Variants in SRP19 observed in about 807,000 individuals in gnomAD.
SRP19 encodes the protein signal recognition particle 19.
Under a neutral mutation model 22.4 loss-of-function variants are expected in SRP19, and 11 were observed. The observed-to-expected ratio is 0.49, with a 90% CI of 0.31 to 0.81. SRP19 has a LOEUF of 0.81. Ranked by LOEUF, SRP19 falls within the 40% of genes least tolerant of loss-of-function variation. The probability of loss-of-function intolerance (pLI) is 0.05; values close to 1 mark genes in which losing one functional copy is unlikely to be tolerated. For synonymous variants in SRP19, 61 were observed against 57.6 expected, an observed-to-expected ratio of 1.06 and a Z score of -0.27; for missense variants, 168 against 175.9, an observed-to-expected ratio of 0.96 and a Z score of 0.25.
downstream of SRP19, chr5:112,895,591 T>C (rs958242186): frequency 6.6e-6 from 1 of 152,214 alleles, no homozygotes; most frequent in Non-Finnish European, 1.5e-5. Context: ...CTCTAGCTAT[T>C]GTCTTGAGAC....
exon 5 of SRP19, chr5:112,892,705 G>C (rs1398154192): frequency 5.0e-6 from 8 of 1,613,958 alleles, no homozygotes; most frequent in South Asian, 1.1e-5. Flanking sequence ...CTTGTCTTCA[G>C]ATCAGACTGG....
downstream of SRP19, among the ~76,000 whole-genome samples, chr5:112,871,193 A>G (rs1767750424): frequency 6.6e-6 from 1 of 151,174 alleles, no homozygotes; most frequent in South Asian, 2.1e-4. Flanking sequence ...CTATTGCTGT[A>G]ACAATATATT....
chr5:112,892,497 A>T, exon 5 of SRP19: 1 of 1,614,228 alleles, frequency 6.2e-7, no homozygotes, highest in Non-Finnish European at 8.5e-7. Context: ...AAGAATGCCA[A>T]GCAGCCCTTT....
chr5:112,892,574 G>A, exon 5 of SRP19: 1 of 1,614,144 alleles, frequency 6.2e-7, no homozygotes. Flanking sequence ...GTGACCCGGT[G>A]GAAAATGGCG....
At chr5:112,867,262 G>C in intron 4 of SRP19, 142 bp from the exon 5 acceptor site, 1 of 932,034 alleles carries the variant, frequency 1.1e-6, no homozygotes, top group Non-Finnish European at 1.6e-6. Context: ...AGTGTCTTCA[G>C]TCATTTGATT....
At chr5:112,892,550 G>A (rs374367256) in exon 5 of SRP19, 13 of 1,614,094 alleles carry the variant, frequency 8.1e-6, no homozygotes, top group East Asian at 2.2e-5. Context: ...CAGCTGCAAT[G>A]TGAATTCTGC....
chr5:112,879,667 G>A (rs1768010339), intron 4 of SRP19, among the ~76,000 whole-genome samples: 1 of 151,766 alleles, frequency 6.6e-6, no homozygotes, highest in Non-Finnish European at 1.5e-5. Flanking sequence ...TAGTAGAGAT[G>A]GGGTTTCACT....
intron 4 of SRP19, among the ~76,000 whole-genome samples, chr5:112,880,675 T>G (rs927761323): frequency 6.6e-6 from 1 of 152,216 alleles, no homozygotes; most frequent in African/African-American, 2.4e-5. Context: ...TTGCCCCTAT[T>G]TAGGAATGTG....
At chr5:112,879,377 C>T (rs1236134860) in intron 4 of SRP19, among the ~76,000 whole-genome samples, 1 of 151,982 alleles carries the variant, frequency 6.6e-6, no homozygotes, top group African/African-American at 2.4e-5. Context: ...TTCCAGGAAC[C>T]CTACAGATAC....
chr5:112,894,225 T>C (rs1257792692), downstream of SRP19: 2 of 152,002 alleles, frequency 1.3e-5, no homozygotes, highest in Admixed American at 6.6e-5. Flanking sequence ...ATTCAAGTGA[T>C]TCCCCTGCCT....
At chr5:112,891,552 G>T in intron 4 of SRP19, 1 of 1,519,462 alleles carries the variant, frequency 6.6e-7, no homozygotes, top group Non-Finnish European at 8.9e-7. Context: ...TTCATAAGTA[G>T]AATCACTGAC....
At chr5:112,893,055 T>C (rs1424453006) in exon 5 of SRP19, 5 of 1,353,256 alleles carry the variant, frequency 3.7e-6, no homozygotes, top group South Asian at 1.2e-5. Flanking sequence ...GAGACAGAAC[T>C]GTTCAGAGTC....
At position 112,881,792 on chromosome 5, in the gene SRP19, G is replaced by A. The variant is rs537657788; in HGVS notation, c.302-9811G>A. ...TATTATTTATTTATTTAGAGACAGG[G>A]TCTCACTCTGTCACCCAGGCTGGAA... On this transcript the variant is annotated intron_variant, in intron 4 of 4. Coordinates refer to the SRP19 transcript ENST00000391338. Among the ~76,000 whole-genome samples the A allele has an allele frequency of 2.0e-5, 3 of 152,104 alleles. No homozygotes were observed. The South Asian group carries it at 6.2e-4, about 32-fold the overall frequency.
At chr5:112,891,541 A>G in intron 4 of SRP19, 1 of 1,487,772 alleles carries the variant, frequency 6.7e-7, no homozygotes, top group Non-Finnish European at 9.1e-7. Flanking sequence ...AACATAAAAT[A>G]TTCATAAGTA....
Position 112,887,660 on chromosome 5 carries a change from C to T in SRP19, c.302-3943C>T, listed in dbSNP as rs186110959. ...AAAATACCTTGTCCATTCCTGAATT[C>T]TTCCTTTGGTGGACCTCAGTTTTGG... On this transcript the variant is annotated intron_variant, in intron 4 of 4. Transcript: ENST00000391338. Among the ~76,000 whole-genome samples the T allele has an allele frequency of 2.3e-3, 350 of 152,266 alleles. 1 individual carries two copies. Among genetic ancestry groups the T allele is most frequent in the African/African-American group, 7.9e-3 (329 of 41,554 alleles).
intron 4 of SRP19, chr5:112,876,510 C>G (rs369147197): frequency 2.6e-5 from 4 of 152,216 alleles, no homozygotes; most frequent in South Asian, 2.1e-4. Flanking sequence ...GGAGTCTTCC[C>G]GAGAGTAGCA....
downstream of SRP19, chr5:112,893,607 C>T (rs1339055671): frequency 1.3e-5 from 2 of 152,794 alleles, no homozygotes; most frequent in Non-Finnish European, 2.9e-5. Context: ...GATCTTCAGA[C>T]TTGGGAAAGC....
chr5:112,862,686 A>G (rs764281119), intron 2 of SRP19, 103 bp downstream of exon 2: 1 of 983,086 alleles, frequency 1.0e-6, no homozygotes, highest in African/African-American at 1.6e-5. Flanking sequence ...TCTTCACTGC[A>G]TTTATTTAGG....
chr5:112,878,459 C>G, intron 4 of SRP19: 1 of 276,982 alleles, frequency 3.6e-6, no homozygotes, highest in Non-Finnish European at 6.7e-6. Flanking sequence ...GCAGGGAGAG[C>G]CCAGTAAAGT....
Sources: gnomAD v4.1 joint callset for allele counts (sites outside exome capture counted in the v4.1 genomes callset) on GRCh38, gnomAD v4.1.1 for gene constraint, MANE v1.5 for transcripts, NCBI Gene and HGNC (gene_info 2026-07-23, HGNC 2026-07-21) for gene names.